ZNF106: variants seen among roughly 807,000 people sequenced by gnomAD.
ZNF106 encodes SH3-domain binding protein 3.
ZNF106 carries 67 observed loss-of-function variants against 195.1 expected under a neutral mutation model. That is an observed-to-expected ratio of 0.34 (90% CI 0.28 to 0.42). The LOEUF (loss-of-function observed/expected upper bound fraction) is 0.42. Among genes scored for constraint, ZNF106 ranks in the 10% least tolerant of loss-of-function variants. The pLI is 1.00. For missense variants in ZNF106, 2,118 were observed against 2,304.5 expected, an observed-to-expected ratio of 0.92 and a Z score of 1.66; for synonymous variants, 784 against 818.6, an observed-to-expected ratio of 0.96 and a Z score of 0.72.
At chr15:42,457,925 C>T (rs373065237) in intron 3 of ZNF106, among the ~76,000 whole-genome samples, 2 of 152,214 alleles carry the variant, frequency 1.3e-5, no homozygotes, top group South Asian at 2.1e-4. Flanking sequence ...TGTTTTTTTA[C>T]TTTACATACT....
intron 3 of ZNF106, among the ~76,000 whole-genome samples, chr15:42,459,413 T>C (rs2056331695): frequency 6.6e-6 from 1 of 151,644 alleles, no homozygotes; most frequent in African/African-American, 2.4e-5. Flanking sequence ...GAGGCAGAGG[T>C]TGTAGTAAGC....
chr15:42,441,010 T>A lies in ZNF106; in HGVS notation c.3763+1063A>T, dbSNP rs1162900887. On this transcript the variant is annotated intron_variant, in intron 10 of 21. Transcript: ENST00000564754. ...AAAAAAAAAAAAAAATATATATATA[T>A]ATATATATATATATATATATATATA... Among the ~76,000 whole-genome samples, 86 of 24,534 alleles carry A rather than the reference T, an allele frequency of 3.5e-3. 12 individuals are homozygous for A. In the African/African-American group the frequency reaches 0.048, roughly 14 times the overall value. The allele number at this position is 24,534 out of a possible 152,430, so 16.1% of individuals were successfully genotyped here. A position where few individuals can be genotyped will look rare whatever the true frequency, so the allele number is the denominator to read the frequency against.
At chr15:42,485,112 G>C (rs1433247371) in intron 1 of ZNF106, among the ~76,000 whole-genome samples, 3 of 152,112 alleles carry the variant, frequency 2.0e-5, no homozygotes, top group Non-Finnish European at 4.4e-5. Context: ...CCATGCCACT[G>C]CACTCCAGCC....
chr15:42,453,608 T>C (rs1045231070), intron 4 of ZNF106, among the ~76,000 whole-genome samples: 16 of 152,010 alleles, frequency 1.1e-4, no homozygotes, highest in African/African-American at 3.4e-4. Context: ...TTTTTTTTTT[T>C]TTTTGGAGAT....
At position 42,461,080 on chromosome 15, in the gene ZNF106, C is replaced by G. The variant is rs78407851; in HGVS notation, c.117-3922G>C. Among the ~76,000 whole-genome samples, 250 of 152,162 alleles carry G rather than the reference C, an allele frequency of 1.6e-3. 8 individuals are homozygous for G. In the East Asian group the frequency reaches 0.047, roughly 28 times the overall value. On this transcript the variant is annotated intron_variant, in intron 3 of 21. Coordinates refer to ENST00000564754, the MANE Select transcript of ZNF106 (RefSeq NM_001366845.3). ...TTTTCAGGAGATGTGGTTATACTAC[C>G]CTGTTCTTTCTCTATGTAGCCACAT...
chr15:42,455,643 T>C (rs572322173), intron 4 of ZNF106, among the ~76,000 whole-genome samples: 39 of 152,318 alleles, frequency 2.6e-4, no homozygotes, highest in Admixed American at 2.6e-3. Context: ...CGTCTCCTCA[T>C]GCACCAGGAC....
At chr15:42,428,770 C>T (rs948525876) in intron 14 of ZNF106, among the ~76,000 whole-genome samples, 7 of 152,178 alleles carry the variant, frequency 4.6e-5, no homozygotes, top group African/African-American at 1.7e-4. Context: ...CTTCAAAAAA[C>T]GATTTCTTTT....
chr15:42,486,710 C>T lies in ZNF106; in HGVS notation c.-33+4270G>A, dbSNP rs546073905. Among the ~76,000 whole-genome samples the T allele has an allele frequency of 7.2e-5, 11 of 152,174 alleles. No homozygotes were observed. The East Asian group carries it at 2.1e-3, about 29-fold the overall frequency. On this transcript the variant is annotated intron_variant, in intron 1 of 21. Coordinates refer to ENST00000564754, the MANE Select transcript of ZNF106 (RefSeq NM_001366845.3). ...CTTTTTTATATCAATTAACCTGTGG[C>T]AAAATTAGTTTTGTTATTATGCTGT...
chr15:42,425,691 G>A (rs2054828303), intron 15 of ZNF106: 1 of 152,196 alleles, frequency 6.6e-6, no homozygotes. Flanking sequence ...TGTAAAGACA[G>A]GGTTTCACCA....
chr15:42,483,053 T>A (rs529274031), intron 1 of ZNF106, among the ~76,000 whole-genome samples: 1 of 152,274 alleles, frequency 6.6e-6, no homozygotes, highest in African/African-American at 2.4e-5. Context: ...ACTATTGGAA[T>A]TTTAAGCACC....
chr15:42,444,091 A>AAT, intron 9 of ZNF106, 111 bp downstream of exon 9: 1 of 735,368 alleles, frequency 1.4e-6, no homozygotes, highest in Non-Finnish European at 2.1e-6. Context: ...CAGCCTGGGA[A>AAT]ATAGAGCAAG....
chr15:42,449,672 A>G lies in ZNF106; in HGVS notation c.2501+99T>C, dbSNP rs2055909416. The G allele has an allele frequency of 1.6e-5, 23 of 1,465,076 alleles. No homozygotes were observed. The South Asian group carries it at 3.1e-4, about 20-fold the overall frequency. 90.8% of individuals were successfully genotyped at this position (1,465,076 alleles called of 1,614,324 possible). Reference sequence around the variant, plus strand: ...TCTACAACAGATATTGTTGGCAAACATTTAATTAAATGAAACACGTAGAAT... The same window carrying G: ...TCTACAACAGATATTGTTGGCAAACGTTTAATTAAATGAAACACGTAGAAT... On this transcript the variant is annotated intron_variant, in intron 5 of 21. Transcript: ENST00000564754.
chr15:42,487,881 T>C (rs1007262990), intron 1 of ZNF106, among the ~76,000 whole-genome samples: 2 of 152,216 alleles, frequency 1.3e-5, no homozygotes, highest in Non-Finnish European at 2.9e-5. Context: ...TATGCATATA[T>C]GGTTGTCCCT....
chr15:42,442,947 C>T (rs2055613262), intron 9 of ZNF106, among the ~76,000 whole-genome samples: 1 of 152,012 alleles, frequency 6.6e-6, no homozygotes, highest in Non-Finnish European at 1.5e-5. Context: ...CCATGCCCAG[C>T]TAATTTTTGT....
intron 1 of ZNF106, among the ~76,000 whole-genome samples, chr15:42,474,750 A>AAAAG (rs898589375): frequency 1.8e-4 from 28 of 152,034 alleles, no homozygotes; most frequent in African/African-American, 4.3e-4. Context: ...GCTCTCTATA[A>AAAAG]AAAGAAAGAA....
At position 42,448,126 on chromosome 15, in the gene ZNF106, A is replaced by G. The variant is rs1314859699; in HGVS notation, c.3081T>C (p.Ser1027=). The G allele has an allele frequency of 1.2e-6, 2 of 1,614,170 alleles. No homozygotes were observed. The highest frequency in any genetic ancestry group is 1.7e-6 in the Non-Finnish European group (2 of 1,180,004). The change falls in exon 6 of 22, where the codon TCT becomes TCC. Residue 1027 remains serine, a synonymous_variant. Transcript: ENST00000564754. ...ADAATDSSCT[S]GAEQNDGQSI... ...TTTGGCCATCATTTTGTTCAGCACC[A>G]GAGGTACAGCTACTATCTGTGGCTG...
In ZNF106 at chr15:42,450,332, T is replaced by G; in HGVS notation, c.1940A>C (p.Glu647Ala). Residue 647 changes from glutamate to alanine, a missense_variant, in exon 5 of 22, where the codon GAG becomes GCG. Transcript: ENST00000564754. Reference sequence around the variant, plus strand: ...CAGGATGCGGTCATCCTCCTCTTTCTCATCAGCAGTTCGAGTGCTGCCAGA... The same window carrying G: ...CAGGATGCGGTCATCCTCCTCTTTCGCATCAGCAGTTCGAGTGCTGCCAGA... ...LLSGSTRTAD[E>A]KEEDDRILKT... The G allele has an allele frequency of 6.2e-7, 1 of 1,614,206 alleles. No individual in the cohort carries two copies. Among genetic ancestry groups the G allele is most frequent in the Non-Finnish European group, 8.5e-7 (1 of 1,180,030 alleles).
At chr15:42,444,098 C>T (rs2055668071) in intron 9 of ZNF106, 104 bp downstream of exon 9, 1 of 725,152 alleles carries the variant, frequency 1.4e-6, no homozygotes, top group East Asian at 3.1e-5. Context: ...GGAAATAGAG[C>T]AAGACTCTGT....
chr15:42,460,586 G>A (rs1332203142), intron 3 of ZNF106, among the ~76,000 whole-genome samples: 1 of 152,170 alleles, frequency 6.6e-6, no homozygotes, highest in African/African-American at 2.4e-5. Flanking sequence ...GTTAACACTA[G>A]CCAGGTGCCC....
Sources: allele counts gnomAD v4.1 joint callset (sites outside exome capture counted in the v4.1 genomes callset), GRCh38; gene constraint gnomAD v4.1.1; transcripts MANE v1.5; gene names NCBI Gene and HGNC (gene_info 2026-07-23, HGNC 2026-07-21).